ZNF256: variants seen among roughly 807,000 people sequenced by gnomAD.
The protein encoded by ZNF256 is zinc finger protein 256.
In ZNF256, 4 loss-of-function variants were observed where a neutral mutation model predicts 7.9. The observed-to-expected ratio is 0.50, with a 90% CI of 0.25 to 1.15. The LOEUF is 1.15. Ranked by LOEUF, ZNF256 falls within the 50% of genes most tolerant of loss-of-function variation. The probability of loss-of-function intolerance (pLI) is 0.15; values close to 1 mark genes in which losing one functional copy is unlikely to be tolerated. For missense variants in ZNF256, 666 were observed against 755.9 expected (o/e 0.88, Z 1.39); for synonymous variants, 260 against 260.4 (o/e 1.00, Z 0.02).
In ZNF256 at chr19:57,940,890, A is replaced by G; in HGVS notation, c.*34T>C. ...TGTGAATTTTGCAGGGACACTTCTC[A>G]GTCCGTAACAGCCCTATGTGTGTTA... On this transcript the variant is annotated 3_prime_UTR_variant, in exon 3 of 3. Coordinates refer to ENST00000282308, the MANE Select transcript of ZNF256 (RefSeq NM_005773.3). 6.4e-7 allele frequency: 1 copy of G among 1,555,344 alleles called. No homozygotes were observed. The highest frequency in any genetic ancestry group is 1.7e-4 in the Middle Eastern group (1 of 5,778).
rs1005678713 is a variant in ZNF256, at chr19:57,947,454, C to G, written c.21G>C (p.Thr7=). ...ACGCGGCACATACCTGGGCCGGGGC[C>G]GTCAGCTCGGCCGCCGCCATCTGAC... is the stretch of plus-strand genomic sequence containing the variant. MAAAEL[T]APAQGIVTFE... is the part of the protein sequence containing the mutation. The change falls in exon 1 of 3, where the codon ACG becomes ACC. Residue 7 remains threonine (T), a synonymous_variant. Coordinates refer to ENST00000282308, the MANE Select transcript of ZNF256 (RefSeq NM_005773.3). 5.6e-6 allele frequency: 7 copies of G among 1,248,898 alleles called. No homozygotes were observed. Among genetic ancestry groups the G allele is most frequent in the African/African-American group, 4.7e-5 (3 of 64,490 alleles). The allele number at this position is 1,248,898 out of a possible 1,614,324, so 77.4% of individuals were successfully genotyped here.
intron 1 of ZNF256, among the ~76,000 whole-genome samples, chr19:57,946,796 G>A (rs962563629): frequency 6.6e-6 from 1 of 152,204 alleles, no homozygotes; most frequent in African/African-American, 2.4e-5. Flanking sequence ...CTTCCCACCA[G>A]AAAGCAAGGA....
At chr19:57,944,898 A>T (rs571942216) in intron 1 of ZNF256, among the ~76,000 whole-genome samples, 1 of 148,908 alleles carries the variant, frequency 6.7e-6, no homozygotes, top group South Asian at 2.1e-4. Context: ...GACAAATGAG[A>T]TCAACAGTTT....
rs1172081536 is a variant in ZNF256 at position 57,941,354 on chromosome 19, T to C, written c.1454A>G (p.His485Arg). 2 of 1,614,158 alleles carry C rather than the reference T, an allele frequency of 1.2e-6. No homozygotes were observed. The highest frequency in any genetic ancestry group is 1.7e-5 in the Admixed American group (1 of 60,024). ...ACATTCATAAGGCCTTGCTCCAGTA[T>C]GAACTTTCCAGTGTGAGATGAGGTA... The part of the protein sequence containing the change: ...KSYLISHWKV[H>R]TGARPYECGE... Residue 485 changes from histidine (H) to arginine (R), a missense_variant, in exon 3 of 3, where the codon CAT becomes CGT. By Grantham distance (29) the His-to-Arg change is conservative. Transcript: ENST00000282308.
At chr19:57,945,820 C>T (rs538833106) in intron 1 of ZNF256, among the ~76,000 whole-genome samples, 38 of 152,308 alleles carry the variant, frequency 2.5e-4, no homozygotes, top group East Asian at 3.9e-4. Flanking sequence ...CTTACCATCC[C>T]CTTGAGAGTC....
chr19:57,947,366 C>A, intron 1 of ZNF256, 76 bp downstream of exon 1: 1 of 1,223,890 alleles, frequency 8.2e-7, no homozygotes, highest in Middle Eastern at 2.7e-4. Flanking sequence ...GGCAGCAGGG[C>A]CGCGAGCAAG....
chr19:57,942,958 T>C (rs370866083), intron 2 of ZNF256, among the ~76,000 whole-genome samples: 39 of 152,278 alleles, frequency 2.6e-4, no homozygotes, highest in Middle Eastern at 6.8e-3. Context: ...ACACATGCAT[T>C]GTGTACAGGT....
In ZNF256 at chr19:57,941,496, GAC is replaced by G; in HGVS notation, c.1310_1311del (p.Cys437SerfsTer2). On this transcript the variant is annotated frameshift_variant, in exon 3 of 3. Transcript: ENST00000282308. LOFTEE classifies it low-confidence loss of function (END_TRUNC). The part of the protein sequence containing the change: ...RVHTGVRSHE[C>X]HECGKLFSRK... The stretch of plus-strand genomic sequence containing the variant: ...CTGCTAAATAATTTTCCACATTCAT[GAC>G]ATTCATGAGATCTTACTCCAGTATG... 6.2e-7 allele frequency: 1 copy of G among 1,613,474 alleles called. No individual in the cohort carries two copies. The highest frequency in any genetic ancestry group is 8.5e-7 in the Non-Finnish European group (1 of 1,179,938).
chr19:57,946,593 C>A (rs2072767810), intron 1 of ZNF256, among the ~76,000 whole-genome samples: 1 of 152,152 alleles, frequency 6.6e-6, no homozygotes, highest in Admixed American at 6.6e-5. Context: ...CTCACTTGGA[C>A]TAGTCTACCC....
rs189432266 is a variant in ZNF256, at chr19:57,945,059, C to T, written c.34-999G>A. Among the ~76,000 whole-genome samples, 96 of 152,118 alleles carry T rather than the reference C, an allele frequency of 6.3e-4. No individual in the cohort carries two copies. The East Asian group carries it at 0.018, about 28-fold the overall frequency. On this transcript the variant is annotated intron_variant, in intron 1 of 2. Coordinates refer to ENST00000282308, the MANE Select transcript of ZNF256 (RefSeq NM_005773.3). Reference sequence around the variant, plus strand: ...TACAGGCACCCGCCATCACGCCTGGCTAATTTTTTATATTTTTAGTAGAGA... The same window carrying T: ...TACAGGCACCCGCCATCACGCCTGGTTAATTTTTTATATTTTTAGTAGAGA...
At chr19:57,947,092 A>G (rs1402207629) in intron 1 of ZNF256, among the ~76,000 whole-genome samples, 1 of 152,248 alleles carries the variant, frequency 6.6e-6, no homozygotes, top group East Asian at 1.9e-4. Flanking sequence ...TAGATTTCAT[A>G]ACCCTTTACA....
At chr19:57,942,686 T>G (rs1404688694) in intron 2 of ZNF256, 39 bp from the exon 3 acceptor site, 2 of 1,591,880 alleles carry the variant, frequency 1.3e-6, no homozygotes, top group Non-Finnish European at 1.7e-6. Context: ...CATGCTGACT[T>G]TAGTGGAGTG....
In ZNF256 at chr19:57,942,103, C is replaced by T. The variant is rs1319946549; in HGVS notation, c.705G>A (p.Arg235=). 6.2e-7 allele frequency: 1 copy of T among 1,614,222 alleles called. No homozygotes were observed. ...VRVQHQGDLI[R]ERSYMCSECG... ...ATTCACTGCACATGTAAGATCTTTCCCTAATGAGGTCTCCCTGGTGCTGAA... is the reference window on the plus strand; with the variant it reads ...ATTCACTGCACATGTAAGATCTTTCTCTAATGAGGTCTCCCTGGTGCTGAA... Residue 235 remains arginine, a synonymous_variant, in exon 3 of 3, where the codon AGG becomes AGA. Transcript: ENST00000282308.
At chr19:57,944,709 A>G (rs1474340529) in intron 1 of ZNF256, among the ~76,000 whole-genome samples, 1 of 152,138 alleles carries the variant, frequency 6.6e-6, no homozygotes, top group African/African-American at 2.4e-5. Context: ...CTGTAGTACC[A>G]GCTACTCAGG....
In ZNF256 at chr19:57,941,974, T is replaced by C. The variant is rs959231; in HGVS notation, c.834A>G (p.Gln278=). The C allele has an allele frequency of 0.3, 479,087 of 1,613,912 alleles. 72,827 individuals carry two copies. The highest frequency in any genetic ancestry group is 0.31 in the Non-Finnish European group (369,343 of 1,179,962). The change falls in exon 3 of 3, where the codon CAA becomes CAG. Residue 278 remains glutamine (Q), a synonymous_variant. Transcript: ENST00000282308. ...TTCGGTGCGTAATAAGGCTAGAGCT[T>C]TGCCTATAGGATTTCCCACATTCTC... ...TCGECGKSYR[Q]SSSLITHRRI...
At chr19:57,944,904 A>G (rs2072756216) in intron 1 of ZNF256, among the ~76,000 whole-genome samples, 1 of 139,296 alleles carries the variant, frequency 7.2e-6, no homozygotes, top group Non-Finnish European at 1.5e-5. Flanking sequence ...TGAGATCAAC[A>G]GTTTATTAAT....
rs776893548 is a variant in ZNF256 at position 57,942,665 on chromosome 19, C to A, written c.161-18G>T. 6.2e-7 allele frequency: 1 copy of A among 1,606,744 alleles called. No individual in the cohort carries two copies. The highest frequency in any genetic ancestry group is 8.5e-7 in the Non-Finnish European group (1 of 1,175,668). ...AGAACCACCTGAAAGAAAGAAAATG[C>A]TGGTGAAGAGCATGCTGACTTTAGT... On this transcript the variant is annotated intron_variant, in intron 2 of 2. Coordinates refer to ENST00000282308, the MANE Select transcript of ZNF256 (RefSeq NM_005773.3).
rs760345008 is a variant in ZNF256 at position 57,940,983 on chromosome 19, C to T, written c.1825G>A (p.Gly609Arg). Residue 609 changes from glycine to arginine, a missense_variant, in exon 3 of 3, where the codon GGA (glycine) becomes AGA (arginine). Transcript: ENST00000282308. Reference sequence around the variant, plus strand: ...TTGGAGTTGAAGGTAAAAAATTTTCCACAGTCACTACACTCATAAGGCCTT... The same window carrying T: ...TTGGAGTTGAAGGTAAAAAATTTTCTACAGTCACTACACTCATAAGGCCTT... ...GERPYECSDCGKFFTFNSNLL... is the reference protein window; with the variant it reads ...GERPYECSDCRKFFTFNSNLL... 3.6e-5 allele frequency: 58 copies of T among 1,614,130 alleles called. No individual in the cohort carries two copies. The highest frequency in any genetic ancestry group is 4.8e-5 in the Non-Finnish European group (57 of 1,180,028).
rs1191151102 is a variant in ZNF256, at chr19:57,944,073, G to T, written c.34-13C>A. The T allele has an allele frequency of 2.5e-6, 4 of 1,613,058 alleles. No individual in the cohort carries two copies. Among genetic ancestry groups the T allele is most frequent in the Non-Finnish European group, 2.5e-6 (3 of 1,179,444 alleles). On this transcript the variant is annotated splice_polypyrimidine_tract_variant and intron_variant, in intron 1 of 2. Coordinates refer to ENST00000282308, the MANE Select transcript of ZNF256 (RefSeq NM_005773.3). Reference sequence around the variant, plus strand: ...AGGTCACAATGCCCTGCCAGGATGGGGACACATGAAACCACAAACGGTTCC... The same window carrying T: ...AGGTCACAATGCCCTGCCAGGATGGTGACACATGAAACCACAAACGGTTCC...
Sources: gnomAD v4.1 joint callset for allele counts (sites outside exome capture counted in the v4.1 genomes callset) on GRCh38, gnomAD v4.1.1 for gene constraint, MANE v1.5 for transcripts, NCBI Gene and HGNC (gene_info 2026-07-23, HGNC 2026-07-21) for gene names.